The following MYO3B variants were observed in gnomAD, a reference collection of about 807,000 sequenced individuals.
MYO3B encodes the protein myosin-IIIb.
In MYO3B, 156 loss-of-function variants were observed where a neutral mutation model predicts 174.6. The ratio of observed to expected loss-of-function variants is 0.89; its 90% CI spans 0.78 to 1.02. The LOEUF (loss-of-function observed/expected upper bound fraction) is 1.02. Ranked by LOEUF, MYO3B falls within the 50% of genes least tolerant of loss-of-function variation. The pLI is 0.00. For synonymous variants in MYO3B, 563 were observed against 569.1 expected (o/e 0.99, Z 0.15); for missense variants, 1,632 against 1,639.4 (o/e 1.00, Z 0.08).
At chr2:170,463,194 C>T (rs904808946) in intron 23 of MYO3B, among the ~76,000 whole-genome samples, 174 bp from the exon 24 acceptor site, 4 of 152,160 alleles carry the variant, frequency 2.6e-5, no homozygotes, top group African/African-American at 4.8e-5. Context: ...TAGAACAATG[C>T]ATATTCTTTC....
At chr2:170,586,588 G>A (rs934126485) in intron 32 of MYO3B, among the ~76,000 whole-genome samples, 1 of 152,076 alleles carries the variant, frequency 6.6e-6, no homozygotes, top group African/African-American at 2.4e-5. Context: ...TATTTTTCTG[G>A]CAACAGAGAT....
intron 7 of MYO3B, among the ~76,000 whole-genome samples, chr2:170,256,399 A>G (rs1267778107): frequency 6.6e-6 from 1 of 152,176 alleles, no homozygotes; most frequent in Non-Finnish European, 1.5e-5. Context: ...GAATCAGACC[A>G]CTTACAAAGG....
At chr2:170,524,333 C>A (rs139702049) in intron 30 of MYO3B, among the ~76,000 whole-genome samples, 20 of 152,288 alleles carry the variant, frequency 1.3e-4, no homozygotes, top group African/African-American at 4.3e-4. Flanking sequence ...CACCTGCCCC[C>A]CATCAGCTAG....
intron 8 of MYO3B, among the ~76,000 whole-genome samples, chr2:170,361,816 T>C (rs1478824430): frequency 6.6e-6 from 1 of 152,226 alleles, no homozygotes; most frequent in African/African-American, 2.4e-5. Flanking sequence ...TAGTATAGTC[T>C]CCTTTCCTCT....
At chr2:170,340,493 A>G (rs1311340644) in intron 8 of MYO3B, 3 of 152,246 alleles carry the variant, frequency 2.0e-5, no homozygotes, top group African/African-American at 7.2e-5. Flanking sequence ...TGACATTCCT[A>G]TAACAAAAGA....
In MYO3B at chr2:170,386,393, T is replaced by G. The variant is rs148936048; in HGVS notation, c.1374+121T>G. On this transcript the variant is annotated intron_variant, in intron 13 of 34. Coordinates refer to ENST00000408978, the MANE Select transcript of MYO3B (RefSeq NM_138995.5). ...AGGCTTACATAAAGACATTCCATCT[T>G]TGCTACGTTTGCCTCCTGATAGCGA... 1.3e-3 allele frequency: 929 copies of G among 730,768 alleles called. 1 individual carries two copies. Among genetic ancestry groups the G allele is most frequent in the Middle Eastern group, 9.0e-3 (37 of 4,112 alleles). The allele number at this position is 730,768 out of a possible 1,614,324, so 45.3% of individuals were successfully genotyped here.
intron 32 of MYO3B, among the ~76,000 whole-genome samples, chr2:170,589,944 A>G (rs1395596683): frequency 6.6e-6 from 1 of 152,144 alleles, no homozygotes. Flanking sequence ...TGCCTTTTCT[A>G]TGTTTAGATA....
intron 25 of MYO3B, among the ~76,000 whole-genome samples, chr2:170,482,914 G>T (rs1427032561): frequency 2.6e-5 from 4 of 152,212 alleles, no homozygotes; most frequent in African/African-American, 9.6e-5. Flanking sequence ...GGCATTGTGG[G>T]CTGAGGACCC....
At chr2:170,606,279 C>T (rs1694802038) in intron 32 of MYO3B, among the ~76,000 whole-genome samples, 1 of 152,196 alleles carries the variant, frequency 6.6e-6, no homozygotes, top group African/African-American at 2.4e-5. Flanking sequence ...TCCATTTCTT[C>T]AGCTTTACCT....
At position 170,206,965 on chromosome 2, in the gene MYO3B, G is replaced by C. The variant is rs2092718884; in HGVS notation, c.321+6681G>C. Among the ~76,000 whole-genome samples, 3 of 152,124 alleles carry C rather than the reference G, an allele frequency of 2.0e-5. No homozygotes were observed. Among genetic ancestry groups the C allele is most frequent in the African/African-American group, 7.2e-5 (3 of 41,436 alleles). Reference sequence around the variant, plus strand: ...CTAACCTTATCCCTGTCCCCAAATAGAGCATGAAGTTCTGAGTGTCTTACA... The same window carrying C: ...CTAACCTTATCCCTGTCCCCAAATACAGCATGAAGTTCTGAGTGTCTTACA... On this transcript the variant is annotated intron_variant, in intron 3 of 34. Coordinates refer to ENST00000408978, the MANE Select transcript of MYO3B (RefSeq NM_138995.5). This position sits in a 1 kb window ranked among gnomAD's most constrained non-coding sequence, Gnocchi z 4.3.
chr2:170,236,228 C>T (rs376611336), intron 7 of MYO3B, 92 bp downstream of exon 7: 5 of 1,371,542 alleles, frequency 3.6e-6, no homozygotes, highest in East Asian at 5.5e-5. Flanking sequence ...AATTTCTCTC[C>T]AAACCTGACA....
intron 7 of MYO3B, among the ~76,000 whole-genome samples, chr2:170,284,401 A>G (rs1364746147): frequency 1.3e-5 from 2 of 152,154 alleles, no homozygotes; most frequent in South Asian, 2.1e-4. Flanking sequence ...GTTCAGCTCA[A>G]TACATGTCAG....
intron 32 of MYO3B, among the ~76,000 whole-genome samples, chr2:170,547,544 T>C (rs965174988): frequency 2.2e-4 from 34 of 152,242 alleles, no homozygotes; most frequent in Non-Finnish European, 8.8e-5. Flanking sequence ...GCATTTGTTC[T>C]TCTACTTATA....
chr2:170,379,194 ATTTT>A (rs11332233), intron 9 of MYO3B, among the ~76,000 whole-genome samples: 1 of 77,078 alleles, frequency 1.3e-5, no homozygotes, highest in African/African-American at 3.9e-5. Flanking sequence ...ATGTGGTACA[ATTTT>A]TTTTTTTTTT....
At chr2:170,261,185 A>G (rs1301452488) in intron 7 of MYO3B, among the ~76,000 whole-genome samples, 3 of 151,956 alleles carry the variant, frequency 2.0e-5, no homozygotes, top group Non-Finnish European at 2.9e-5. Flanking sequence ...CACCACGCCC[A>G]GCTAATTTTG....
Position 170,325,002 on chromosome 2 carries a change from A to G in MYO3B, c.750-10383A>G, listed in dbSNP as rs368083758. 5.1e-4 allele frequency among the ~76,000 whole-genome samples: 77 copies of G among 152,192 alleles called. 2 individuals carry two copies. The South Asian group carries it at 0.016, about 31-fold the overall frequency. On this transcript the variant is annotated intron_variant, in intron 7 of 34. Coordinates refer to ENST00000408978, the MANE Select transcript of MYO3B (RefSeq NM_138995.5). ...TCAGAGAACTTCACCACGGAGGCCCATAGTGATAGCCTTTCCACTGAGGCC... is the reference window on the plus strand; with the variant it reads ...TCAGAGAACTTCACCACGGAGGCCCGTAGTGATAGCCTTTCCACTGAGGCC...
At chr2:170,529,091 A>G (rs1044430027) in intron 30 of MYO3B, among the ~76,000 whole-genome samples, 8 of 152,164 alleles carry the variant, frequency 5.3e-5, no homozygotes, top group Middle Eastern at 3.2e-3. Flanking sequence ...TAAAAAGTCA[A>G]TTTTTTAGTA....
intron 25 of MYO3B, among the ~76,000 whole-genome samples, chr2:170,473,008 C>A (rs891329330): frequency 1.3e-5 from 2 of 151,974 alleles, no homozygotes; most frequent in Non-Finnish European, 2.9e-5. Flanking sequence ...AACTTCAGCT[C>A]ACTTTATGTC....
chr2:170,296,344 AAT>A (rs1428272229), intron 7 of MYO3B, among the ~76,000 whole-genome samples: 11 of 152,202 alleles, frequency 7.2e-5, no homozygotes, highest in Non-Finnish European at 1.3e-4. Context: ...CTGGAGGTGA[AAT>A]ACAAGTTGCT....
Sources: gnomAD v4.1 joint callset for allele counts (sites outside exome capture counted in the v4.1 genomes callset) on GRCh38, gnomAD v4.1.1 for gene constraint, Gnocchi (gnomAD v3.1) non-coding constraint, MANE v1.5 for transcripts, NCBI Gene and HGNC (gene_info 2026-07-23, HGNC 2026-07-21) for gene names.